The following IQCH variants were observed in gnomAD, a reference collection of about 807,000 sequenced individuals.
IQCH encodes the protein IQ domain-containing protein H.
A neutral mutation model predicts 117.0 loss-of-function variants in IQCH; 98 were observed. That is an observed-to-expected ratio of 0.84 (90% CI 0.71 to 0.99). IQCH has a LOEUF of 0.99. Ranked by LOEUF, IQCH falls within the 50% of genes least tolerant of loss-of-function variation. The pLI, the probability that IQCH is intolerant of heterozygous loss-of-function variation, is 0.00. For synonymous variants in IQCH, 412 were observed against 448.2 expected (o/e 0.92, Z 1.02); for missense variants, 1,102 against 1,243.8 (o/e 0.89, Z 1.72).
At position 67,494,176 on chromosome 15, in the gene IQCH, C is replaced by A; in HGVS notation, c.2862-82C>A. 1.1e-6 allele frequency: 1 copy of A among 897,358 alleles called. No individual in the cohort carries two copies. Among genetic ancestry groups the A allele is most frequent in the South Asian group, 2.1e-5 (1 of 48,678 alleles). The allele number at this position is 897,358 out of a possible 1,614,324, so 55.6% of individuals were successfully genotyped here. A position where few individuals can be genotyped will look rare whatever the true frequency, so the allele number is the denominator to read the frequency against. On this transcript the variant is annotated intron_variant, in intron 19 of 20. Coordinates refer to ENST00000335894, the MANE Select transcript of IQCH (RefSeq NM_001031715.3). The surrounding 1 kb of genome is among the most constrained non-coding windows in gnomAD (Gnocchi z 5.5). Reference sequence around the variant, plus strand: ...ATACTCATTAAATTCCATCACCAGACAGGCACAAATGAGAGGGCGATTGTT... The same window carrying A: ...ATACTCATTAAATTCCATCACCAGAAAGGCACAAATGAGAGGGCGATTGTT...
intron 6 of IQCH, among the ~76,000 whole-genome samples, chr15:67,345,819 T>A (rs138936745): frequency 6.5e-4 from 99 of 152,196 alleles, no homozygotes; most frequent in African/African-American, 2.2e-3. Context: ...AAGTCTTGAG[T>A]TTAGTTAATA....
At chr15:67,373,655 G>T (rs1970639460) in intron 10 of IQCH, 2 of 624,260 alleles carry the variant, frequency 3.2e-6, no homozygotes, top group Non-Finnish European at 5.7e-6. Context: ...GCTATTCAGT[G>T]GAGAGGTGAT....
chr15:67,462,229 C>G (rs530510095), intron 16 of IQCH, among the ~76,000 whole-genome samples: 31 of 151,816 alleles, frequency 2.0e-4, no homozygotes, highest in Non-Finnish European at 3.8e-4. Context: ...GAGTTCCAGA[C>G]CAGCCTGGCC....
intron 7 of IQCH, 134 bp downstream of exon 7, chr15:67,357,555 T>C (rs1969943431): frequency 1.5e-6 from 1 of 670,006 alleles, no homozygotes; most frequent in Non-Finnish European, 2.7e-6. Flanking sequence ...GCTGCTGGTA[T>C]GCATTTGACT....
At chr15:67,294,855 C>T (rs1436090751) in intron 4 of IQCH, among the ~76,000 whole-genome samples, 1 of 152,210 alleles carries the variant, frequency 6.6e-6, no homozygotes. Context: ...ACATCCTTAT[C>T]CATCTTCCCC....
At chr15:67,278,896 A>G (rs1357394699) in intron 3 of IQCH, among the ~76,000 whole-genome samples, 4 of 152,326 alleles carry the variant, frequency 2.6e-5, no homozygotes, top group Admixed American at 1.3e-4. Flanking sequence ...TTGCTCTCCC[A>G]TGGAACTATC....
At chr15:67,331,271 G>T (rs1489853865) in intron 4 of IQCH, among the ~76,000 whole-genome samples, 1 of 151,980 alleles carries the variant, frequency 6.6e-6, no homozygotes, top group Non-Finnish European at 1.5e-5. Context: ...GGAGCAGAAG[G>T]AATTTTCTCA....
intron 12 of IQCH, among the ~76,000 whole-genome samples, chr15:67,392,727 T>C (rs2140848681): frequency 6.7e-6 from 1 of 148,954 alleles, no homozygotes; most frequent in East Asian, 2.0e-4. Flanking sequence ...CAGGGAGCTG[T>C]GTTTGCACCA....
At chr15:67,441,122 C>CAAAAAAAAAA (rs200254535) in intron 16 of IQCH, among the ~76,000 whole-genome samples, 10 of 53,974 alleles carry the variant, frequency 1.9e-4, no homozygotes, top group African/African-American at 2.8e-4. Context: ...GCAATAGCTG[C>CAAAAAAAAAA]AAAAAAAAAA....
chr15:67,352,104 C>T (rs1411331748), intron 6 of IQCH, among the ~76,000 whole-genome samples: 4 of 151,122 alleles, frequency 2.6e-5, no homozygotes, highest in Non-Finnish European at 5.9e-5. Flanking sequence ...ACTTTTATTC[C>T]TCTATTATTT....
intron 1 of IQCH, among the ~76,000 whole-genome samples, chr15:67,256,224 T>A (rs1336791118): frequency 6.6e-6 from 1 of 152,122 alleles, no homozygotes; most frequent in East Asian, 1.9e-4. Context: ...ACATAGAGCT[T>A]TTGGTCATCT....
rs1235406259 is a variant in IQCH at position 67,406,619 on chromosome 15, A to G, written c.2097+6314A>G. The stretch of plus-strand genomic sequence containing the variant: ...GTCTCCTATTCCAGGTTGACATAGT[A>G]AACTGCCTTTTAAGCAGAATGAGTG... On this transcript the variant is annotated intron_variant, in intron 14 of 20. Transcript: ENST00000335894. This position sits in a 1 kb window ranked among gnomAD's most constrained non-coding sequence, Gnocchi z 4.5. The G allele has an allele frequency of 6.6e-6, 1 of 152,206 alleles. No individual in the cohort carries two copies. The highest frequency in any genetic ancestry group is 1.5e-5 in the Non-Finnish European group (1 of 68,038). The allele number at this position is 152,206 out of a possible 1,614,324, so 9.4% of individuals were successfully genotyped here.
rs975452426 is a variant in IQCH, at chr15:67,443,867, C to A, written c.2506-21260C>A. 6.6e-6 allele frequency among the ~76,000 whole-genome samples: 1 copy of A among 152,174 alleles called. No individual in the cohort carries two copies. The highest frequency in any genetic ancestry group is 2.4e-5 in the African/African-American group (1 of 41,422). On this transcript the variant is annotated intron_variant, in intron 16 of 20. Coordinates refer to ENST00000335894, the MANE Select transcript of IQCH (RefSeq NM_001031715.3). This position sits in a 1 kb window ranked among gnomAD's most constrained non-coding sequence, Gnocchi z 5.0. ...CTGTTATGTATTTTACATGTAGTAA[C>A]CCTAATCTTCACATCCTGAGAAGTA...
chr15:67,344,207 A>C lies in IQCH; in HGVS notation c.637+16A>C, dbSNP rs528508316. On this transcript the variant is annotated intron_variant, in intron 6 of 20. Coordinates refer to ENST00000335894, the MANE Select transcript of IQCH (RefSeq NM_001031715.3). ...CCAACTGTAGGTAAGATACTCATGC[A>C]TCTCAGTTCAGTTGGGGACACACAG... 1.9e-5 allele frequency: 30 copies of C among 1,611,336 alleles called. No individual in the cohort carries two copies. In the South Asian group the frequency reaches 3.2e-4, roughly 17 times the overall value.
chr15:67,495,868 A>G (rs567405053), intron 20 of IQCH, among the ~76,000 whole-genome samples: 1 of 152,240 alleles, frequency 6.6e-6, no homozygotes, highest in Non-Finnish European at 1.5e-5. Context: ...AAAAACTTTC[A>G]ATCTCAGTAA....
chr15:67,279,894 C>T lies in IQCH; in HGVS notation c.387+382C>T, dbSNP rs1367480760. On this transcript the variant is annotated intron_variant, in intron 4 of 20. Transcript: ENST00000335894. ...GTGGGCGCCTGGTACTCGCCTGGTACTGGTGGTGGTACTCGGGAGGCTGAG... is the reference window on the plus strand; with the variant it reads ...GTGGGCGCCTGGTACTCGCCTGGTATTGGTGGTGGTACTCGGGAGGCTGAG... Among the ~76,000 whole-genome samples the T allele has an allele frequency of 4.6e-5, 7 of 151,838 alleles. 1 individual carries two copies. In the East Asian group the frequency reaches 1.2e-3, roughly 25 times the overall value.
chr15:67,296,733 A>G (rs1281872693), intron 4 of IQCH, among the ~76,000 whole-genome samples: 2 of 152,200 alleles, frequency 1.3e-5, no homozygotes, highest in African/African-American at 4.8e-5. Context: ...TGATGAAATG[A>G]GGCTTTGGAT....
chr15:67,408,350 T>C lies in IQCH; in HGVS notation c.2097+8045T>C, dbSNP rs2081360789. On this transcript the variant is annotated intron_variant, in intron 14 of 20. Transcript: ENST00000335894. The surrounding 1 kb of genome is among the most constrained non-coding windows in gnomAD (Gnocchi z 4.2). ...TTTGCTTCTGGTCGTCTGTCCTTGG[T>C]GCCCCTCGGTGAGACAGGGATGCCC... 1 of 152,216 alleles carries C rather than the reference T, an allele frequency of 6.6e-6. No homozygotes were observed. The highest frequency in any genetic ancestry group is 1.5e-5 in the Non-Finnish European group (1 of 68,048). The allele number at this position is 152,216 out of a possible 1,614,324, so 9.4% of individuals were successfully genotyped here. A position where few individuals can be genotyped will look rare whatever the true frequency, so the allele number is the denominator to read the frequency against.
At chr15:67,412,231 G>A (rs1052116995) in intron 14 of IQCH, among the ~76,000 whole-genome samples, 5 of 152,114 alleles carry the variant, frequency 3.3e-5, no homozygotes, top group Admixed American at 6.6e-5. Context: ...TATCAACAAG[G>A]TATATATTTT....
Sources: gnomAD v4.1 joint callset for allele counts (sites outside exome capture counted in the v4.1 genomes callset) on GRCh38, gnomAD v4.1.1 for gene constraint, Gnocchi (gnomAD v3.1) non-coding constraint, MANE v1.5 for transcripts, NCBI Gene and HGNC (gene_info 2026-07-23, HGNC 2026-07-21) for gene names.